KCNAB1: variants seen among roughly 807,000 people sequenced by gnomAD.
KCNAB1 encodes voltage-gated potassium channel subunit beta-1.
Under a neutral mutation model 64.6 loss-of-function variants are expected in KCNAB1, and 35 were observed. The observed-to-expected ratio is 0.54, with a 90% CI of 0.41 to 0.72. The LOEUF (loss-of-function observed/expected upper bound fraction) is 0.72. Ranked by LOEUF, KCNAB1 falls within the 30% of genes least tolerant of loss-of-function variation. KCNAB1 has a pLI of 0.00. For missense variants in KCNAB1, 401 were observed against 512.9 expected, an observed-to-expected ratio of 0.78 and a Z score of 2.11; for synonymous variants, 177 against 183.8, an observed-to-expected ratio of 0.96 and a Z score of 0.30.
intron 7 of KCNAB1, among the ~76,000 whole-genome samples, chr3:156,469,062 A>T (rs1038291318): frequency 6.6e-6 from 1 of 152,114 alleles, no homozygotes; most frequent in African/African-American, 2.4e-5. Flanking sequence ...TTTTCTTTTT[A>T]ATCTAATTAA....
intron 1 of KCNAB1, among the ~76,000 whole-genome samples, chr3:156,339,979 A>G (rs529460895): frequency 2.6e-4 from 40 of 152,344 alleles, no homozygotes; most frequent in African/African-American, 8.7e-4. Flanking sequence ...TTCTCTCTCA[A>G]GATGATCATA....
At position 156,408,149 on chromosome 3, in the gene KCNAB1, T is replaced by TG. The variant is rs533060005; in HGVS notation, c.276-13467_276-13466insG. ...CTAGCTCAGGCAGCAGAAACTTTTA[T>TG]TTTTCTCCTTCTCTAGGCCTCCAAA... On this transcript the variant is annotated intron_variant, in intron 1 of 13. Transcript: ENST00000490337. Among the ~76,000 whole-genome samples the TG allele has an allele frequency of 7.4e-4, 112 of 152,196 alleles. 2 individuals carry two copies. In the Middle Eastern group the frequency reaches 0.017, roughly 23 times the overall value.
At chr3:156,247,960 C>A (rs1434183238) in intron 1 of KCNAB1, among the ~76,000 whole-genome samples, 1 of 152,030 alleles carries the variant, frequency 6.6e-6, no homozygotes, top group Non-Finnish European at 1.5e-5. Context: ...CTCATATAAC[C>A]GTTTCTATAT....
chr3:156,466,837 G>A (rs1004470905), intron 7 of KCNAB1, among the ~76,000 whole-genome samples: 2 of 151,958 alleles, frequency 1.3e-5, no homozygotes, highest in African/African-American at 4.8e-5. Flanking sequence ...AGAATTGTGA[G>A]TAATTTTTAT....
intron 1 of KCNAB1, among the ~76,000 whole-genome samples, chr3:156,323,490 A>C (rs1722797573): frequency 6.6e-6 from 1 of 152,158 alleles, no homozygotes; most frequent in African/African-American, 2.4e-5. Flanking sequence ...TTTTATCTTC[A>C]TTCTGTCTGT....
At chr3:156,361,086 A>G (rs1725578416) in intron 1 of KCNAB1, among the ~76,000 whole-genome samples, 1 of 152,144 alleles carries the variant, frequency 6.6e-6, no homozygotes, top group South Asian at 2.1e-4. Context: ...AAGCCTTCAC[A>G]ATGGCCTAAC....
intron 7 of KCNAB1, among the ~76,000 whole-genome samples, chr3:156,469,412 G>A (rs1576907457): frequency 6.6e-6 from 1 of 151,618 alleles, no homozygotes; most frequent in South Asian, 2.1e-4. Context: ...ATGTGCCACC[G>A]TGCCCAGCTA....
intron 1 of KCNAB1, among the ~76,000 whole-genome samples, chr3:156,385,027 T>C (rs1213678885): frequency 1.3e-5 from 2 of 152,352 alleles, no homozygotes; most frequent in Middle Eastern, 3.4e-3. Context: ...ACTTTTCTCC[T>C]AACCAACCTC....
chr3:156,269,586 A>G lies in KCNAB1; in HGVS notation c.275+148700A>G, dbSNP rs564283231. 2.0e-5 allele frequency among the ~76,000 whole-genome samples: 3 copies of G among 152,240 alleles called. No individual in the cohort carries two copies. The East Asian group carries it at 5.8e-4, about 29-fold the overall frequency. Reference sequence around the variant, plus strand: ...TCTAGATGATCTGTCCAATGCTGAAAGTGGGGTGGTGAAGTCTTCAGATAT... The same window carrying G: ...TCTAGATGATCTGTCCAATGCTGAAGGTGGGGTGGTGAAGTCTTCAGATAT... On this transcript the variant is annotated intron_variant, in intron 1 of 13. Transcript: ENST00000490337.
In KCNAB1 at chr3:156,150,612, C is replaced by T. The variant is rs184798988; in HGVS notation, c.275+29726C>T. On this transcript the variant is annotated intron_variant, in intron 1 of 13. Transcript: ENST00000490337. ...TAACTGTAGGCCAAAGATGTTTTCA[C>T]CCAAGAGAAAAACAATTCCTGAATT... 3.1e-3 allele frequency among the ~76,000 whole-genome samples: 478 copies of T among 152,240 alleles called. 3 individuals carry two copies. The highest frequency in any genetic ancestry group is 0.011 in the African/African-American group (442 of 41,524).
At chr3:156,462,087 G>A (rs1316830380) in intron 5 of KCNAB1, among the ~76,000 whole-genome samples, 1 of 152,182 alleles carries the variant, frequency 6.6e-6, no homozygotes, top group South Asian at 2.1e-4. Context: ...AGTGAGATAA[G>A]GTATGCAAAA....
At chr3:156,433,229 C>A (rs1289367974) in intron 2 of KCNAB1, among the ~76,000 whole-genome samples, 1 of 152,162 alleles carries the variant, frequency 6.6e-6, no homozygotes, top group Non-Finnish European at 1.5e-5. Context: ...GGGCTATATG[C>A]CCCTAAAGGA....
chr3:156,433,950 T>G (rs1470137475), intron 2 of KCNAB1, among the ~76,000 whole-genome samples: 1 of 152,202 alleles, frequency 6.6e-6, no homozygotes, highest in Admixed American at 6.5e-5. Context: ...TACTATCATT[T>G]GCCATTTTGA....
At chr3:156,146,557 A>G (rs1233511254) in intron 1 of KCNAB1, among the ~76,000 whole-genome samples, 1 of 152,208 alleles carries the variant, frequency 6.6e-6, no homozygotes, top group Non-Finnish European at 1.5e-5. Flanking sequence ...TTAAACAGAT[A>G]TAAAATGAAG....
intron 1 of KCNAB1, among the ~76,000 whole-genome samples, chr3:156,185,911 A>G (rs941271031): frequency 6.6e-6 from 1 of 152,200 alleles, no homozygotes; most frequent in Admixed American, 6.5e-5. Flanking sequence ...GAACTTCTCT[A>G]TAACTAAACA....
intron 1 of KCNAB1, among the ~76,000 whole-genome samples, chr3:156,365,125 A>G (rs915626468): frequency 5.3e-5 from 8 of 152,236 alleles, no homozygotes; most frequent in African/African-American, 1.9e-4. Context: ...GAGACAGAAC[A>G]GGGCTTAAGA....
intron 1 of KCNAB1, among the ~76,000 whole-genome samples, chr3:156,143,774 A>G (rs7618820): frequency 0.55 from 82,599 of 150,186 alleles, 23,462 homozygotes; most frequent in Admixed American, 0.71. Context: ...AGAATTTATA[A>G]GTTAAGAGTA....
chr3:156,227,248 A>C (rs534052644), intron 1 of KCNAB1, among the ~76,000 whole-genome samples: 3 of 152,370 alleles, frequency 2.0e-5, no homozygotes, highest in South Asian at 2.1e-4. Flanking sequence ...ATACTTTTAC[A>C]ACGTGAACTC....
At chr3:156,347,695 T>A (rs1724574546) in intron 1 of KCNAB1, among the ~76,000 whole-genome samples, 1 of 152,236 alleles carries the variant, frequency 6.6e-6, no homozygotes, top group African/African-American at 2.4e-5. Context: ...TGGGAGAGCT[T>A]GTTCATCATT....
Sources: gnomAD v4.1 joint callset for allele counts (sites outside exome capture counted in the v4.1 genomes callset) on GRCh38, gnomAD v4.1.1 for gene constraint, MANE v1.5 for transcripts, NCBI Gene and HGNC (gene_info 2026-07-23, HGNC 2026-07-21) for gene names.